Variants in DOCK4 observed in about 807,000 individuals in gnomAD.
DOCK4 encodes the protein dedicator of cytokinesis 4, also known as dedicator of cytokinesis protein 4.
A neutral mutation model predicts 268.1 loss-of-function variants in DOCK4; 97 were observed. That is an observed-to-expected ratio of 0.36 (90% CI 0.31 to 0.43). DOCK4 has a LOEUF of 0.43. DOCK4 is among the 20% of genes least tolerant of loss of function. DOCK4 has a pLI of 1.00. For missense variants in DOCK4, 2,145 were observed against 2,455.7 expected (o/e 0.87, Z 2.67); for synonymous variants, 954 against 887.2 (o/e 1.08, Z -1.34).
At chr7:112,167,721 G>A (rs2523017) in intron 1 of DOCK4, among the ~76,000 whole-genome samples, 25,223 of 151,998 alleles carry the variant, frequency 0.17, 2,203 homozygotes, top group African/African-American at 0.18. Context: ...GCCAACCTCA[G>A]TAAGCTTAAA....
intron 1 of DOCK4, among the ~76,000 whole-genome samples, chr7:112,185,615 A>G (rs1177631613): frequency 6.6e-6 from 1 of 152,090 alleles, no homozygotes; most frequent in African/African-American, 2.4e-5. Flanking sequence ...AAAAAAAAAA[A>G]AAGAAAAGAA....
At chr7:111,804,211 G>T (rs1374597184) in intron 30 of DOCK4, among the ~76,000 whole-genome samples, 1 of 152,138 alleles carries the variant, frequency 6.6e-6, no homozygotes, top group African/African-American at 2.4e-5. Context: ...AGGAATGAAT[G>T]AATAAAGAAA....
chr7:111,769,987 T>C (rs555640049), intron 36 of DOCK4, among the ~76,000 whole-genome samples: 4 of 152,114 alleles, frequency 2.6e-5, no homozygotes, highest in Non-Finnish European at 5.9e-5. Flanking sequence ...TGTAAGGATA[T>C]CATGCTGTTG....
intron 43 of DOCK4, among the ~76,000 whole-genome samples, 159 bp from the exon 44 acceptor site, chr7:111,746,576 T>A (rs955808444): frequency 2.6e-5 from 4 of 152,130 alleles, no homozygotes; most frequent in African/African-American, 9.7e-5. Context: ...TTGGTCAGAA[T>A]GGGAACATAA....
intron 30 of DOCK4, among the ~76,000 whole-genome samples, chr7:111,794,375 C>T (rs932143212): frequency 6.6e-6 from 1 of 152,122 alleles, no homozygotes; most frequent in Non-Finnish European, 1.5e-5. Flanking sequence ...TATTTCAGAA[C>T]TTTCAGTGAT....
At chr7:111,753,057 C>A (rs1029926603) in intron 42 of DOCK4, among the ~76,000 whole-genome samples, 1 of 146,494 alleles carries the variant, frequency 6.8e-6, no homozygotes, top group African/African-American at 2.5e-5. Context: ...TCATCTGAAA[C>A]CTTTGGTGCC....
At chr7:111,875,671 T>A (rs1490643060) in intron 17 of DOCK4, among the ~76,000 whole-genome samples, 1 of 152,198 alleles carries the variant, frequency 6.6e-6, no homozygotes, top group Non-Finnish European at 1.5e-5. Flanking sequence ...ACTTTGAAGA[T>A]GGAGGAAGGG....
In DOCK4 at chr7:112,074,228, G is replaced by C. The variant is rs140539897; in HGVS notation, c.38-70097C>G. Among the ~76,000 whole-genome samples the C allele has an allele frequency of 9.8e-3, 1,490 of 152,292 alleles. 19 individuals carry two copies. The highest frequency in any genetic ancestry group is 0.034 in the African/African-American group (1,414 of 41,566). ...TAAACCCTCCCAGGCAGATGTGGGT[G>C]AGTATCCAGGCAGGATTAATATTTT... On this transcript the variant is annotated intron_variant, in intron 1 of 52. Transcript: ENST00000428084.
chr7:111,730,225 G>A (rs1794987640), intron 52 of DOCK4, among the ~76,000 whole-genome samples: 1 of 152,200 alleles, frequency 6.6e-6, no homozygotes, highest in Non-Finnish European at 1.5e-5. Flanking sequence ...GCTGGGAAAT[G>A]CTGCACACTG....
intron 1 of DOCK4, among the ~76,000 whole-genome samples, chr7:112,178,432 A>G (rs577601860): frequency 1.1e-4 from 17 of 152,334 alleles, no homozygotes; most frequent in Admixed American, 5.9e-4. Context: ...GACCAAAAAA[A>G]TCATCGGTAA....
chr7:112,058,327 C>T (rs1806037501), intron 1 of DOCK4, among the ~76,000 whole-genome samples: 1 of 152,074 alleles, frequency 6.6e-6, no homozygotes. Flanking sequence ...CCCCTCTACT[C>T]CAAGATGGCT....
In DOCK4 at chr7:111,868,103, G is replaced by A; in HGVS notation, c.2161C>T (p.Leu721Phe). 2 of 1,613,154 alleles carry A rather than the reference G, an allele frequency of 1.2e-6. No individual in the cohort carries two copies. The highest frequency in any genetic ancestry group is 1.7e-6 in the Non-Finnish European group (2 of 1,179,558). Reference sequence around the variant, plus strand: ...TCTTCGTTTTGCCCACCAGTGGCAAGGGAAAACAGCCTTCGAGATTGAACT... The same window carrying A: ...TCTTCGTTTTGCCCACCAGTGGCAAAGGAAAACAGCCTTCGAGATTGAACT... ...YIVQSRRLFS[L>F]ATGGQNEEEF... is the part of the protein sequence containing the mutation. Residue 721 changes from leucine (L) to phenylalanine (F), a missense_variant, in exon 22 of 53, where the codon CTT (leucine) becomes TTT (phenylalanine). Coordinates refer to ENST00000428084, the MANE Select transcript of DOCK4 (RefSeq NM_001363540.2).
intron 1 of DOCK4, among the ~76,000 whole-genome samples, chr7:112,052,975 C>G (rs916309476): frequency 6.6e-6 from 1 of 152,118 alleles, no homozygotes; most frequent in Admixed American, 6.6e-5. Context: ...CACCAAACTC[C>G]CCGGAGTTAA....
At chr7:111,918,209 C>T (rs922146286) in intron 12 of DOCK4, among the ~76,000 whole-genome samples, 7 of 152,180 alleles carry the variant, frequency 4.6e-5, no homozygotes, top group Non-Finnish European at 8.8e-5. Flanking sequence ...GACATGACGA[C>T]ATGATCGTGT....
intron 1 of DOCK4, among the ~76,000 whole-genome samples, chr7:112,201,266 T>C (rs753369874): frequency 2.3e-4 from 35 of 152,150 alleles, no homozygotes; most frequent in Non-Finnish European, 1.5e-4. Flanking sequence ...AAAAGGAACA[T>C]GATTCCTACC....
In DOCK4 at chr7:112,004,066, T is replaced by C; in HGVS notation, c.103A>G (p.Ile35Val). The part of the protein sequence containing the change: ...LSLEIGDTVQ[I>V]LEKCDGWYRG... ...TACTCACCATCACACTTCTCCAGGA[T>C]CTGAACTGTATCTCCAATTTCCAAT... Residue 35 changes from isoleucine (I) to valine (V), a missense_variant, in exon 2 of 53, where the codon ATC (isoleucine) becomes GTC (valine). By Grantham distance (29) the Ile-to-Val change is conservative. Transcript: ENST00000428084. 2 of 1,604,114 alleles carry C rather than the reference T, an allele frequency of 1.2e-6. No homozygotes were observed. The highest frequency in any genetic ancestry group is 1.7e-6 in the Non-Finnish European group (2 of 1,175,112).
At chr7:111,739,699 C>T in intron 47 of DOCK4, 1 of 545,400 alleles carries the variant, frequency 1.8e-6, no homozygotes, top group Non-Finnish European at 3.3e-6. Flanking sequence ...GTGTTAGATT[C>T]AGCTATACAC....
intron 8 of DOCK4, among the ~76,000 whole-genome samples, chr7:111,946,917 C>A (rs1326104074): frequency 6.6e-6 from 1 of 152,190 alleles, no homozygotes; most frequent in Non-Finnish European, 1.5e-5. Flanking sequence ...ATGTGTGACA[C>A]TATTTATGTT....
chr7:111,909,454 A>C (rs1396444314), intron 13 of DOCK4, among the ~76,000 whole-genome samples: 9 of 152,254 alleles, frequency 5.9e-5, no homozygotes, highest in Admixed American at 1.3e-4. Context: ...ACTTATTTGA[A>C]CTATAAAGAC....
Sources: gnomAD v4.1 joint callset for allele counts (sites outside exome capture counted in the v4.1 genomes callset) on GRCh38, gnomAD v4.1.1 for gene constraint, MANE v1.5 for transcripts, NCBI Gene and HGNC (gene_info 2026-07-23, HGNC 2026-07-21) for gene names.